The following ICAM2 variants were observed in gnomAD, a reference collection of about 807,000 sequenced individuals.
ICAM2 encodes ICAM-2.
A neutral mutation model predicts 19.1 loss-of-function variants in ICAM2; 14 were observed. The ratio of observed to expected loss-of-function variants is 0.73; its 90% confidence interval spans 0.48 to 1.15. The LOEUF (loss-of-function observed/expected upper bound fraction) is 1.15, where lower values mean the gene tolerates loss of function less well. Among genes scored for constraint, ICAM2 ranks in the 50% most tolerant of loss-of-function variants. ICAM2 has a pLI of 0.00. For missense variants in ICAM2, 311 were observed against 355.4 expected (o/e 0.88, Z 1.00); for synonymous variants, 153 against 152.7 (o/e 1.00, Z -0.01).
intron 1 of ICAM2, among the ~76,000 whole-genome samples, chr17:64,009,873 T>C (rs767035529): frequency 6.6e-6 from 1 of 152,324 alleles, no homozygotes; most frequent in South Asian, 2.1e-4. Context: ...GTGAAAGTAC[T>C]CATGCAGGCT....
At chr17:64,010,426 G>A (rs1402647549) in intron 1 of ICAM2, among the ~76,000 whole-genome samples, 4 of 152,088 alleles carry the variant, frequency 2.6e-5, no homozygotes, top group African/African-American at 9.7e-5. Flanking sequence ...ATTTTTGAGG[G>A]GAGGGGAGAT....
At chr17:64,012,770 G>A (rs1911506374) in intron 1 of ICAM2, among the ~76,000 whole-genome samples, 1 of 152,180 alleles carries the variant, frequency 6.6e-6, no homozygotes, top group East Asian at 1.9e-4. Context: ...GATGTGTGTA[G>A]GTTATACGAA....
chr17:64,008,932 C>G (rs1208072412), intron 1 of ICAM2, among the ~76,000 whole-genome samples: 1 of 152,224 alleles, frequency 6.6e-6, no homozygotes, highest in African/African-American at 2.4e-5. Flanking sequence ...TCCCCGAAAG[C>G]ACAGGCCCCA....
chr17:64,012,459 G>T (rs970815836), intron 1 of ICAM2, among the ~76,000 whole-genome samples: 3 of 152,148 alleles, frequency 2.0e-5, no homozygotes, highest in Non-Finnish European at 2.9e-5. Flanking sequence ...AATTGGCCGG[G>T]CATAGTGGTG....
At position 64,005,192 on chromosome 17, in the gene ICAM2, T is replaced by C; in HGVS notation, c.243A>G (p.Ser81=). The change falls in exon 3 of 5, where the codon TCA becomes TCG. Residue 81 remains serine (S), a synonymous_variant. Coordinates refer to ENST00000579788, the MANE Select transcript of ICAM2 (RefSeq NM_001099789.2). The part of the protein sequence containing the change: ...EQAQWKHYLV[S]NISHDTVLQC... ...GGAGGACCGTGTCATGGGAGATGTT[T>C]GAGACCAAGTAATGTTTCCACTGAG... 6.2e-7 allele frequency: 1 copy of C among 1,614,136 alleles called. No individual in the cohort carries two copies. Among genetic ancestry groups the C allele is most frequent in the Non-Finnish European group, 8.5e-7 (1 of 1,180,012 alleles).
At chr17:64,011,656 T>C (rs1478461069) in intron 1 of ICAM2, among the ~76,000 whole-genome samples, 1 of 151,750 alleles carries the variant, frequency 6.6e-6, no homozygotes, top group African/African-American at 2.4e-5. Flanking sequence ...CCTAATACTT[T>C]GGGAGGCTGA....
At chr17:64,015,403 A>G (rs564887383) in intron 1 of ICAM2, among the ~76,000 whole-genome samples, 76 of 152,296 alleles carry the variant, frequency 5.0e-4, no homozygotes, top group African/African-American at 1.7e-3. Flanking sequence ...AAAAGCCTAA[A>G]TGGTTCTATA....
At chr17:64,007,005 C>A in intron 1 of ICAM2, 1 of 356,530 alleles carries the variant, frequency 2.8e-6, no homozygotes, top group Non-Finnish European at 5.2e-6. Flanking sequence ...GAGACGTGTG[C>A]ACAGGGGAGA....
intron 1 of ICAM2, among the ~76,000 whole-genome samples, chr17:64,011,257 T>C (rs921159299): frequency 6.6e-6 from 1 of 152,122 alleles, no homozygotes; most frequent in Non-Finnish European, 1.5e-5. Context: ...AGTCAGGAGA[T>C]GGAGACCATC....
At chr17:64,007,548 C>T (rs993793899) in intron 1 of ICAM2, among the ~76,000 whole-genome samples, 10 of 152,178 alleles carry the variant, frequency 6.6e-5, no homozygotes, top group Non-Finnish European at 1.0e-4. Flanking sequence ...AGGCCTGAGC[C>T]ACCGCACCTG....
intron 1 of ICAM2, among the ~76,000 whole-genome samples, chr17:64,014,226 C>A (rs1047849944): frequency 5.3e-5 from 8 of 151,388 alleles, no homozygotes; most frequent in South Asian, 2.1e-4. Context: ...GTAATTCCAG[C>A]ACTTTGGGAG....
At chr17:64,004,000 G>A (rs1020661510) in intron 3 of ICAM2, 36 bp from the exon 4 acceptor site, 2 of 1,500,756 alleles carry the variant, frequency 1.3e-6, no homozygotes, top group African/African-American at 2.8e-5. Context: ...TGGTCAGGAT[G>A]GGGGTGCAGT....
Position 64,003,746 on chromosome 17 carries a change from CCTCT to C in ICAM2, c.543_546del (p.Glu182MetfsTer14), listed in dbSNP as rs56285713. 4.3e-6 allele frequency: 7 copies of C among 1,614,138 alleles called. No homozygotes were observed. In the East Asian group the frequency reaches 1.3e-4, roughly 31 times the overall value. On this transcript the variant is annotated frameshift_variant, in exon 4 of 5. Coordinates refer to ENST00000579788, the MANE Select transcript of ICAM2 (RefSeq NM_001099789.2). LOFTEE classifies it high-confidence loss of function. ...AGGCAGGAGAAGTTGCGGTGGCCAT[CCTCT>C]CTGTCAGCCGTGCTGTTGAATGTGG...
intron 1 of ICAM2, among the ~76,000 whole-genome samples, chr17:64,007,177 G>C (rs1007363165): frequency 6.6e-6 from 1 of 152,222 alleles, no homozygotes; most frequent in African/African-American, 2.4e-5. Context: ...AGGAAGCCTG[G>C]AGGGCAATTT....
intron 1 of ICAM2, among the ~76,000 whole-genome samples, chr17:64,018,892 T>C (rs760020233): frequency 3.3e-5 from 5 of 151,978 alleles, no homozygotes; most frequent in Non-Finnish European, 7.4e-5. Flanking sequence ...CAGCTAATTT[T>C]TGTATTTTTA....
chr17:64,019,817 CAAAAAAA>C (rs11342409), intron 1 of ICAM2, among the ~76,000 whole-genome samples: 7 of 53,834 alleles, frequency 1.3e-4, no homozygotes, highest in African/African-American at 4.3e-4. Flanking sequence ...AACTCTGTCT[CAAAAAAA>C]AAAAAAAAAA....
At chr17:64,016,961 C>A (rs1446299931) in intron 1 of ICAM2, among the ~76,000 whole-genome samples, 1 of 152,176 alleles carries the variant, frequency 6.6e-6, no homozygotes, top group African/African-American at 2.4e-5. Context: ...AAGCTCTTAG[C>A]AAATTAGAAG....
intron 2 of ICAM2, among the ~76,000 whole-genome samples, chr17:64,005,752 C>T (rs1911164871): frequency 6.6e-6 from 1 of 152,184 alleles, no homozygotes; most frequent in Non-Finnish European, 1.5e-5. Flanking sequence ...AAAGCCCTCC[C>T]ACAGAGGGCC....
intron 4 of ICAM2, 25 bp downstream of exon 4, chr17:64,003,619 A>ACTCCATCCACGGATCCCCC: frequency 1.3e-6 from 2 of 1,597,084 alleles, no homozygotes; most frequent in East Asian, 2.2e-5. Flanking sequence ...ATCACTCCCA[A>ACTCCATCCACGGATCCCCC]CTCCATCCAC....
Sources: allele counts gnomAD v4.1 joint callset (sites outside exome capture counted in the v4.1 genomes callset), GRCh38; gene constraint gnomAD v4.1.1; transcripts MANE v1.5; gene names NCBI Gene and HGNC (gene_info 2026-07-23, HGNC 2026-07-21).